The following TET1 variants were observed in gnomAD, a reference collection of about 807,000 sequenced individuals.
The protein encoded by TET1 is methylcytosine dioxygenase TET1.
TET1 carries 13 observed loss-of-function variants against 148.7 expected under a neutral mutation model. The ratio of observed to expected loss-of-function variants is 0.09; its 90% CI spans 0.06 to 0.14. The LOEUF (loss-of-function observed/expected upper bound fraction) is 0.14, where lower values mean the gene tolerates loss of function less well. Among genes scored for constraint, TET1 ranks in the 10% least tolerant of loss-of-function variants. The pLI is 1.00. For synonymous variants in TET1, 907 were observed against 937.2 expected, an observed-to-expected ratio of 0.97 and a Z score of 0.59; for missense variants, 2,182 against 2,553.8, an observed-to-expected ratio of 0.85 and a Z score of 3.14.
intron 11 of TET1, among the ~76,000 whole-genome samples, chr10:68,688,384 C>T (rs558973049): frequency 3.3e-5 from 5 of 151,010 alleles, no homozygotes; most frequent in Admixed American, 3.3e-4. Context: ...CCACGCCCGG[C>T]TGGCTTCTCA....
In TET1 at chr10:68,615,356, C is replaced by CTTTTTTTTTTTTTTTTT. The variant is rs71019038; in HGVS notation, c.1968+14329_1968+14330insTTTTTTTTTTTTTTTTT. ...TTCAGAATGGTGTTTCTTTTCTTTT[C>CTTTTTTTTTTTTTTTTT]TTTTTTTGAGATGGAGACTCACTCT... On this transcript the variant is annotated intron_variant, in intron 3 of 11. Coordinates refer to ENST00000373644, the MANE Select transcript of TET1 (RefSeq NM_030625.3). 3.2e-4 allele frequency among the ~76,000 whole-genome samples: 46 copies of CTTTTTTTTTTTTTTTTT among 145,258 alleles called. 1 individual carries two copies. Among genetic ancestry groups the CTTTTTTTTTTTTTTTTT allele is most frequent in the Non-Finnish European group, 4.8e-4 (32 of 66,286 alleles).
chr10:68,577,148 G>A (rs1332937952), intron 2 of TET1, among the ~76,000 whole-genome samples: 1 of 152,104 alleles, frequency 6.6e-6, no homozygotes, highest in African/African-American at 2.4e-5. Flanking sequence ...CTGACCTCAC[G>A]ATCCACCCGC....
chr10:68,595,919 CATATATATATATATATATATATATATAT>C lies in TET1; in HGVS notation c.1915-5046_1915-5019del, dbSNP rs374124558. ...TGTGAGCCACTGCGCCCAGCCAAAACATATATATATATATATATATATATATATATATATATATATATACACACACACA... is the reference window on the plus strand; with the variant it reads ...TGTGAGCCACTGCGCCCAGCCAAAACATATATATATATATACACACACACA... On this transcript the variant is annotated intron_variant, in intron 2 of 11. Coordinates refer to ENST00000373644, the MANE Select transcript of TET1 (RefSeq NM_030625.3). 3.2e-4 allele frequency among the ~76,000 whole-genome samples: 11 copies of C among 34,530 alleles called. 1 individual carries two copies. In the Admixed American group the frequency reaches 5.0e-3, roughly 16 times the overall value. 22.7% of individuals were successfully genotyped at this position (34,530 alleles called of 152,430 possible).
At chr10:68,656,593 C>G (rs2133132804) in intron 6 of TET1, among the ~76,000 whole-genome samples, 1 of 152,284 alleles carries the variant, frequency 6.6e-6, no homozygotes, top group South Asian at 2.1e-4. Flanking sequence ...CTTTATTTTT[C>G]CAAACTTTCC....
At chr10:68,677,896 A>G (rs1397672690) in intron 8 of TET1, among the ~76,000 whole-genome samples, 1 of 152,234 alleles carries the variant, frequency 6.6e-6, no homozygotes, top group Non-Finnish European at 1.5e-5. Context: ...CTGGGATTAC[A>G]GGCATGAGCC....
intron 2 of TET1, among the ~76,000 whole-genome samples, chr10:68,599,257 C>T (rs912227251): frequency 6.6e-6 from 1 of 152,202 alleles, no homozygotes; most frequent in Admixed American, 6.5e-5. Flanking sequence ...CCGGGGAGGC[C>T]CTCCTGCCAA....
At chr10:68,675,402 C>T (rs1037217199) in intron 8 of TET1, among the ~76,000 whole-genome samples, 8 of 152,088 alleles carry the variant, frequency 5.3e-5, no homozygotes, top group African/African-American at 1.9e-4. Context: ...CATCAAATTT[C>T]TGGTGAAGCT....
Position 68,644,967 on chromosome 10 carries a change from C to A in TET1, c.2238C>A (p.Thr746=), listed in dbSNP as rs1433429940. 4 of 1,613,396 alleles carry A rather than the reference C, an allele frequency of 2.5e-6. 1 individual carries two copies. The South Asian group carries it at 4.4e-5, about 18-fold the overall frequency. ...ACTCTGAAGTTGACAAGAAACGAAC[C>A]AAATCTCCAAAATTGTTTGTACAAA... ...SKNSEVDKKR[T]KSPKLFVQTV... The change falls in exon 4 of 12, where the codon ACC becomes ACA. Residue 746 remains threonine (T), a synonymous_variant. Coordinates refer to ENST00000373644, the MANE Select transcript of TET1 (RefSeq NM_030625.3).
chr10:68,561,850 T>A (rs1286706606), intron 1 of TET1, among the ~76,000 whole-genome samples: 4 of 151,910 alleles, frequency 2.6e-5, no homozygotes, highest in African/African-American at 4.8e-5. Context: ...GCATTTCTGA[T>A]CCACTAAAAA....
intron 3 of TET1, among the ~76,000 whole-genome samples, chr10:68,616,639 G>T (rs113308843): frequency 0.015 from 2,277 of 151,956 alleles, 46 homozygotes; most frequent in African/African-American, 0.052. Context: ...GGGCTCACAC[G>T]ATCCTCTCGA....
At chr10:68,625,232 T>C (rs1351588944) in intron 3 of TET1, among the ~76,000 whole-genome samples, 1 of 152,232 alleles carries the variant, frequency 6.6e-6, no homozygotes, top group African/African-American at 2.4e-5. Context: ...AAGGGTCCTT[T>C]GTTGACTGTA....
At chr10:68,563,630 G>T (rs527841432) in intron 1 of TET1, among the ~76,000 whole-genome samples, 1 of 152,234 alleles carries the variant, frequency 6.6e-6, no homozygotes, top group Non-Finnish European at 1.5e-5. Flanking sequence ...CCAGAAAAAG[G>T]ACGGATATAG....
intron 3 of TET1, among the ~76,000 whole-genome samples, chr10:68,615,075 C>T (rs2054269258): frequency 6.6e-6 from 1 of 151,932 alleles, no homozygotes; most frequent in African/African-American, 2.4e-5. Context: ...GCTGGGATTA[C>T]AGGCGTGTGC....
chr10:68,672,878 G>A lies in TET1; in HGVS notation c.4674-17G>A. On this transcript the variant is annotated splice_polypyrimidine_tract_variant and intron_variant, in intron 7 of 11. Transcript: ENST00000373644. ...TAATGCTTCATCAATTCACTCTCTT[G>A]AATTACAATCTTACAGTCGTACCTG... 1 of 1,594,886 alleles carries A rather than the reference G, an allele frequency of 6.3e-7. No individual in the cohort carries two copies. Among genetic ancestry groups the A allele is most frequent in the Non-Finnish European group, 8.6e-7 (1 of 1,167,418 alleles).
intron 3 of TET1, among the ~76,000 whole-genome samples, chr10:68,611,859 AGG>A (rs763393435): frequency 1.8e-5 from 1 of 56,570 alleles, no homozygotes; most frequent in African/African-American, 6.5e-5. Flanking sequence ...GTGGGGAGAG[AGG>A]GAGAGAGAGA....
chr10:68,672,249 G>C (rs1270379156), intron 7 of TET1, among the ~76,000 whole-genome samples: 2 of 151,802 alleles, frequency 1.3e-5, no homozygotes, highest in Non-Finnish European at 2.9e-5. Flanking sequence ...CGTAATCCCA[G>C]AACTTTGGGA....
At chr10:68,641,791 G>A (rs543296483) in intron 3 of TET1, among the ~76,000 whole-genome samples, 1 of 152,120 alleles carries the variant, frequency 6.6e-6, no homozygotes, top group East Asian at 1.9e-4. Context: ...ATGAGCCACC[G>A]CACCTGGCCT....
chr10:68,624,104 C>T (rs2066344), intron 3 of TET1, among the ~76,000 whole-genome samples: 21,874 of 145,056 alleles, frequency 0.15, 1,786 homozygotes, highest in South Asian at 0.24. Flanking sequence ...TCTTTCTTTT[C>T]TTTTTTTTTT....
chr10:68,648,342 G>A (rs1038276660), intron 4 of TET1, among the ~76,000 whole-genome samples: 1 of 152,152 alleles, frequency 6.6e-6, no homozygotes, highest in Non-Finnish European at 1.5e-5. Context: ...TTTCAGGTAA[G>A]CACTCTTCTA....
Sources: allele counts gnomAD v4.1 joint callset (sites outside exome capture counted in the v4.1 genomes callset), GRCh38; gene constraint gnomAD v4.1.1; transcripts MANE v1.5; gene names NCBI Gene and HGNC (gene_info 2026-07-23, HGNC 2026-07-21).